The following ZDHHC4 variants were observed in gnomAD, a reference collection of about 807,000 sequenced individuals.
The protein encoded by ZDHHC4 is zDHHC palmitoyltransferase 4.
In ZDHHC4, 42 loss-of-function variants were observed where a neutral mutation model predicts 36.7. That is an observed-to-expected ratio of 1.14 (90% CI 0.89 to 1.48). The LOEUF is 1.48. ZDHHC4 is among the 40% of genes most tolerant of loss of function. The probability of loss-of-function intolerance (pLI) is 0.00; values close to 1 mark genes in which losing one functional copy is unlikely to be tolerated. For synonymous variants in ZDHHC4, 189 were observed against 166.6 expected (o/e 1.13, Z -1.03); for missense variants, 457 against 421.5 (o/e 1.08, Z -0.74).
At chr7:6,586,525 G>A (rs1277019982) in intron 7 of ZDHHC4, among the ~76,000 whole-genome samples, 2 of 152,140 alleles carry the variant, frequency 1.3e-5, no homozygotes, top group Admixed American at 6.6e-5. Flanking sequence ...GCCCAGGCTG[G>A]AGTGCAATGG....
In ZDHHC4 at chr7:6,581,711, C is replaced by G. The variant is rs77613953; in HGVS notation, c.191+31C>G. On this transcript the variant is annotated intron_variant, in intron 4 of 7. Transcript: ENST00000335965. The stretch of plus-strand genomic sequence containing the variant: ...TCTCTTTCAGAGTTTAAATATTCTC[C>G]TCTTTTCTGCTTTGATTATTAATTG... 2.0e-6 allele frequency: 3 copies of G among 1,509,308 alleles called. No homozygotes were observed. In the African/African-American group the frequency reaches 4.2e-5, roughly 21 times the overall value. 93.5% of individuals were successfully genotyped at this position (1,509,308 alleles called of 1,614,324 possible). A position where few individuals can be genotyped will look rare whatever the true frequency, so the allele number is the denominator to read the frequency against.
chr7:6,585,074 C>A lies in ZDHHC4; in HGVS notation c.555C>A (p.Cys185Ter), dbSNP rs759810428. ...FDHHCVWVNN[C>*]IGAWNIRYFL... ...ATCACTGTGTTTGGGTGAACAACTG[C>A]ATCGGGGCCTGGAACATCAGGTACT... Residue 185 changes from cysteine (C) to a stop codon, truncating the protein, a stop_gained, in exon 7 of 8, where the codon TGC becomes TGA. Transcript: ENST00000335965. LOFTEE classifies it high-confidence loss of function. The A allele has an allele frequency of 6.2e-7, 1 of 1,614,170 alleles. No homozygotes were observed. The highest frequency in any genetic ancestry group is 1.7e-5 in the Admixed American group (1 of 59,998).
intron 7 of ZDHHC4, among the ~76,000 whole-genome samples, chr7:6,587,905 G>A (rs918147775): frequency 1.3e-5 from 2 of 152,034 alleles, no homozygotes; most frequent in Non-Finnish European, 1.5e-5. Context: ...TTGCTCTGTC[G>A]CCTAGGCTGG....
Position 6,589,274 on chromosome 7 carries a change from G to A in ZDHHC4, c.*364G>A. The A allele has an allele frequency of 4.3e-6, 1 of 234,888 alleles. No individual in the cohort carries two copies. Among genetic ancestry groups the A allele is most frequent in the South Asian group, 6.2e-5 (1 of 16,006 alleles). The allele number at this position is 234,888 out of a possible 1,614,324, so 14.6% of individuals were successfully genotyped here. A position where few individuals can be genotyped will look rare whatever the true frequency, so the allele number is the denominator to read the frequency against. ...CATTGACTCAGCGCCTGCGCGTTGTGCCTGGCTGTGCTCTCTTTTATGCCC... is the reference window on the plus strand; with the variant it reads ...CATTGACTCAGCGCCTGCGCGTTGTACCTGGCTGTGCTCTCTTTTATGCCC... On this transcript the variant is annotated 3_prime_UTR_variant, in exon 8 of 8. Transcript: ENST00000335965.
chr7:6,579,900 C>A (rs1382776858), intron 2 of ZDHHC4, among the ~76,000 whole-genome samples: 1 of 151,994 alleles, frequency 6.6e-6, no homozygotes, highest in East Asian at 2.0e-4. Flanking sequence ...CTTTGGGAGG[C>A]CGAGGCAGGT....
At position 6,581,985 on chromosome 7, in the gene ZDHHC4, G is replaced by A; in HGVS notation, c.192-88G>A. 2.3e-6 allele frequency: 3 copies of A among 1,316,220 alleles called. No homozygotes were observed. In the South Asian group the frequency reaches 4.3e-5, roughly 19 times the overall value. The allele number at this position is 1,316,220 out of a possible 1,614,324, so 81.5% of individuals were successfully genotyped here. A position where few individuals can be genotyped will look rare whatever the true frequency, so the allele number is the denominator to read the frequency against. ...TACTATTATCTCAAGCCCAAAGGAA[G>A]TGGTTGGCCGTTGGTTACTTTCTTT... is the stretch of plus-strand genomic sequence containing the variant. On this transcript the variant is annotated intron_variant, in intron 4 of 7. Transcript: ENST00000335965.
Position 6,580,590 on chromosome 7 carries a change from A to G in ZDHHC4, c.29A>G (p.Tyr10Cys), listed in dbSNP as rs755341051. MDFLVLFLFYLASVLMGLVL... is the reference protein window; with the variant it reads MDFLVLFLFCLASVLMGLVL... Reference sequence around the variant, plus strand: ...GACTTTCTGGTCCTCTTCTTGTTCTACCTGGCTTCGGTGCTGATGGGTCTT... The same window carrying G: ...GACTTTCTGGTCCTCTTCTTGTTCTGCCTGGCTTCGGTGCTGATGGGTCTT... The change falls in exon 3 of 8, where the codon TAC (tyrosine) becomes TGC (cysteine). Residue 10 changes from tyrosine (Y) to cysteine (C), a missense_variant. Transcript: ENST00000335965. 5.6e-6 allele frequency: 9 copies of G among 1,613,798 alleles called. No homozygotes were observed. Among genetic ancestry groups the G allele is most frequent in the South Asian group, 2.2e-5 (2 of 91,072 alleles).
At position 6,583,400 on chromosome 7, in the gene ZDHHC4, T is replaced by A; in HGVS notation, c.465T>A (p.Asp155Glu). 1 of 1,613,678 alleles carries A rather than the reference T, an allele frequency of 6.2e-7. No individual in the cohort carries two copies. The highest frequency in any genetic ancestry group is 2.2e-5 in the East Asian group (1 of 44,864). ...FPKNVRCSTC[D>E]LRKPARSKHC... ...AGAACGTGAGGTGCTCTACTTGTGA[T>A]TTAAGGAAACCAGCTCGATCCAAGC... The change falls in exon 6 of 8, where the codon GAT becomes GAA. Residue 155 changes from aspartate (D) to glutamate (E), a missense_variant. By Grantham distance (45) the Asp-to-Glu change is conservative (BLOSUM62 2). Transcript: ENST00000335965.
At chr7:6,578,254 A>G (rs1018107654) in intron 1 of ZDHHC4, among the ~76,000 whole-genome samples, 1 of 152,028 alleles carries the variant, frequency 6.6e-6, no homozygotes, top group Admixed American at 6.6e-5. Context: ...CAGCCTCCCA[A>G]GTAGCTGGGA....
In ZDHHC4 at chr7:6,589,205, G is replaced by A. The variant is rs542334530; in HGVS notation, c.*295G>A. On this transcript the variant is annotated 3_prime_UTR_variant, in exon 8 of 8. Transcript: ENST00000335965. ...AACTCTGGGCATGTGGACAGGAGGG[G>A]CTTGCGGCCGTGTCTCTGACCTGTG... 16 of 387,868 alleles carry A rather than the reference G, an allele frequency of 4.1e-5. No homozygotes were observed. Among genetic ancestry groups the A allele is most frequent in the Admixed American group, 1.1e-4 (3 of 26,686 alleles). The allele number at this position is 387,868 out of a possible 1,614,324, so 24.0% of individuals were successfully genotyped here.
At chr7:6,578,746 C>T (rs909228586) in intron 2 of ZDHHC4, 26 bp downstream of exon 2, 2 of 152,202 alleles carry the variant, frequency 1.3e-5, no homozygotes, top group South Asian at 2.1e-4. Context: ...TGAATCACCC[C>T]GTGAGAATTG....
intron 7 of ZDHHC4, among the ~76,000 whole-genome samples, chr7:6,587,908 T>C (rs1781348713): frequency 6.6e-6 from 1 of 152,230 alleles, no homozygotes; most frequent in Non-Finnish European, 1.5e-5. Flanking sequence ...CTCTGTCGCC[T>C]AGGCTGGAGT....
Position 6,585,059 on chromosome 7 carries a change from T to A in ZDHHC4, c.540T>A (p.Val180=). 6.2e-7 allele frequency: 1 copy of A among 1,614,160 alleles called. No homozygotes were observed. Among genetic ancestry groups the A allele is most frequent in the East Asian group, 2.2e-5 (1 of 44,876 alleles). ...TGCACCGTTTCGACCATCACTGTGTTTGGGTGAACAACTGCATCGGGGCCT... is the reference window on the plus strand; with the variant it reads ...TGCACCGTTTCGACCATCACTGTGTATGGGTGAACAACTGCATCGGGGCCT... ...WCVHRFDHHC[V]WVNNCIGAWN... Residue 180 remains valine (V), a synonymous_variant, in exon 7 of 8, where the codon GTT becomes GTA. Coordinates refer to ENST00000335965, the MANE Select transcript of ZDHHC4 (RefSeq NM_001134389.2).
chr7:6,586,345 C>T (rs573844674), intron 7 of ZDHHC4, among the ~76,000 whole-genome samples: 2 of 152,306 alleles, frequency 1.3e-5, no homozygotes, highest in East Asian at 3.8e-4. Flanking sequence ...AATCTACTTT[C>T]TGTCTTTCGG....
At chr7:6,585,700 G>A (rs1781194658) in intron 7 of ZDHHC4, among the ~76,000 whole-genome samples, 1 of 149,032 alleles carries the variant, frequency 6.7e-6, no homozygotes, top group African/African-American at 2.4e-5. Flanking sequence ...TAGCTACTTG[G>A]GAGGCTGAGG....
Position 6,583,670 on chromosome 7 carries a change from C to T in ZDHHC4, c.496+239C>T, listed in dbSNP as rs532737716. The T allele has an allele frequency of 5.3e-5, 23 of 434,398 alleles. No individual in the cohort carries two copies. The South Asian group carries it at 6.2e-4, about 12-fold the overall frequency. 26.9% of individuals were successfully genotyped at this position (434,398 alleles called of 1,614,324 possible). A position where few individuals can be genotyped will look rare whatever the true frequency, so the allele number is the denominator to read the frequency against. ...TAACAGCCCTTCCCTCGCCACGTGG[C>T]AGGACATGCTCCCCACAAGTTGTTT... is the stretch of plus-strand genomic sequence containing the variant. On this transcript the variant is annotated intron_variant, in intron 6 of 7. Transcript: ENST00000335965.
Position 6,583,312 on chromosome 7 carries a change from T to G in ZDHHC4, c.377T>G (p.Ile126Arg), listed in dbSNP as rs766242768. 6.2e-7 allele frequency: 1 copy of G among 1,613,908 alleles called. No homozygotes were observed. Among genetic ancestry groups the G allele is most frequent in the East Asian group, 2.2e-5 (1 of 44,896 alleles). Residue 126 changes from isoleucine to arginine, a missense_variant, in exon 6 of 8, where the codon ATA becomes AGA. Transcript: ENST00000335965. ...ATGTCCTTACTTTTCCCAGGCATTA[T>G]AACAAAAGCAAATGAATTATTATTT... is the stretch of plus-strand genomic sequence containing the variant. ...TLTCGTNPGIITKANELLFLH... is the reference protein window; with the variant it reads ...TLTCGTNPGIRTKANELLFLH...
At chr7:6,586,299 C>G (rs1209225213) in intron 7 of ZDHHC4, among the ~76,000 whole-genome samples, 2 of 152,202 alleles carry the variant, frequency 1.3e-5, no homozygotes, top group Admixed American at 1.3e-4. Flanking sequence ...AGGAAACACT[C>G]CCCATTCCCT....
At position 6,588,718 on chromosome 7, in the gene ZDHHC4, G is replaced by A. The variant is rs776289259; in HGVS notation, c.843G>A (p.Ala281=). 1.2e-6 allele frequency: 2 copies of A among 1,614,138 alleles called. No homozygotes were observed. The highest frequency in any genetic ancestry group is 1.7e-6 in the Non-Finnish European group (2 of 1,180,034). Residue 281 remains alanine, a synonymous_variant, in exon 8 of 8, where the codon GCG becomes GCA. Coordinates refer to ENST00000335965, the MANE Select transcript of ZDHHC4 (RefSeq NM_001134389.2). ...GGYLLFVLYL[A]ATNQTTNEWY... ...ACCTGTTGTTTGTCCTGTATCTGGC[G>A]GCCACCAACCAGACTACTAACGAGT...
Sources: allele counts gnomAD v4.1 joint callset (sites outside exome capture counted in the v4.1 genomes callset), GRCh38; gene constraint gnomAD v4.1.1; transcripts MANE v1.5; gene names NCBI Gene and HGNC (gene_info 2026-07-23, HGNC 2026-07-21).